UBE2E2: variants seen among roughly 807,000 people sequenced by gnomAD.
UBE2E2 encodes ubiquitin conjugating enzyme E2 E2.
UBE2E2 carries 6 observed loss-of-function variants against 24.7 expected under a neutral mutation model. The ratio of observed to expected loss-of-function variants is 0.24; its 90% CI spans 0.13 to 0.48. The LOEUF (loss-of-function observed/expected upper bound fraction) is 0.48. UBE2E2 is among the 20% of genes least tolerant of loss of function. The pLI, the probability that UBE2E2 is intolerant of heterozygous loss-of-function variation, is 0.99. For synonymous variants in UBE2E2, 104 were observed against 83.6 expected (o/e 1.24, Z -1.33); for missense variants, 169 against 245.0 (o/e 0.69, Z 2.07).
In UBE2E2 at chr3:23,280,216, A is replaced by G. The variant is rs1698457804; in HGVS notation, c.227+62904A>G. Reference sequence around the variant, plus strand: ...GGGTACCAAAGATAACTAACCTATAATAACCTATTTTGGGGAAGTGTTTTT... The same window carrying G: ...GGGTACCAAAGATAACTAACCTATAGTAACCTATTTTGGGGAAGTGTTTTT... On this transcript the variant is annotated intron_variant, in intron 3 of 5. Coordinates refer to ENST00000396703, the MANE Select transcript of UBE2E2 (RefSeq NM_152653.4). The surrounding 1 kb of genome is among the most constrained non-coding windows in gnomAD (Gnocchi z 4.3). 6.6e-6 allele frequency among the ~76,000 whole-genome samples: 1 copy of G among 152,190 alleles called. No individual in the cohort carries two copies. The highest frequency in any genetic ancestry group is 2.4e-5 in the African/African-American group (1 of 41,448).
chr3:23,211,831 A>G (rs536424823), intron 2 of UBE2E2, among the ~76,000 whole-genome samples: 42 of 152,296 alleles, frequency 2.8e-4, no homozygotes, highest in Non-Finnish European at 5.1e-4. Context: ...GGCACATAGT[A>G]AGCTCTCAAA....
chr3:23,368,019 A>G (rs1001157622), intron 3 of UBE2E2, among the ~76,000 whole-genome samples: 9 of 152,170 alleles, frequency 5.9e-5, no homozygotes, highest in African/African-American at 1.9e-4. Flanking sequence ...CGATACACAT[A>G]TAGATATTTG....
chr3:23,315,433 T>C (rs1397645503), intron 3 of UBE2E2, among the ~76,000 whole-genome samples: 1 of 152,216 alleles, frequency 6.6e-6, no homozygotes, highest in Non-Finnish European at 1.5e-5. Context: ...GTATGTCAGT[T>C]GCATTTTTCA....
At chr3:23,472,089 A>G (rs184571556) in intron 3 of UBE2E2, among the ~76,000 whole-genome samples, 74 of 152,352 alleles carry the variant, frequency 4.9e-4, no homozygotes, top group Middle Eastern at 3.4e-3. Context: ...AACAAGCTAA[A>G]AGAAGTTTTT....
At chr3:23,232,970 C>G (rs1202332273) in intron 3 of UBE2E2, among the ~76,000 whole-genome samples, 3 of 152,280 alleles carry the variant, frequency 2.0e-5, no homozygotes, top group Middle Eastern at 3.4e-3. Flanking sequence ...GGGCAGTTTC[C>G]TAAGAGTGGC....
At chr3:23,204,481 C>T (rs899112017) in intron 1 of UBE2E2, among the ~76,000 whole-genome samples, 1 of 152,132 alleles carries the variant, frequency 6.6e-6, no homozygotes, top group African/African-American at 2.4e-5. Flanking sequence ...AAGGATTTTA[C>T]GCTCTTCTTA....
intron 3 of UBE2E2, among the ~76,000 whole-genome samples, chr3:23,372,677 T>C (rs1174036174): frequency 1.3e-5 from 2 of 152,206 alleles, no homozygotes; most frequent in African/African-American, 4.8e-5. Context: ...TTCTTTTTTT[T>C]CTTGAATAGA....
intron 5 of UBE2E2, among the ~76,000 whole-genome samples, chr3:23,570,420 A>C (rs1696193986): frequency 6.6e-6 from 1 of 152,162 alleles, no homozygotes. Context: ...CCAGTAGTGT[A>C]CTGGTAAATG....
chr3:23,355,274 A>G (rs1244832865), intron 3 of UBE2E2, among the ~76,000 whole-genome samples: 1 of 151,886 alleles, frequency 6.6e-6, no homozygotes, highest in Non-Finnish European at 1.5e-5. Context: ...GATATACCTA[A>G]TGCTACATGA....
intron 3 of UBE2E2, among the ~76,000 whole-genome samples, chr3:23,355,133 A>G (rs946218998): frequency 6.6e-6 from 1 of 151,950 alleles, no homozygotes; most frequent in Non-Finnish European, 1.5e-5. Context: ...ACAAGGACAG[A>G]AAAACAAACA....
At chr3:23,365,358 C>T (rs765568712) in intron 3 of UBE2E2, among the ~76,000 whole-genome samples, 5 of 152,120 alleles carry the variant, frequency 3.3e-5, no homozygotes, top group African/African-American at 7.2e-5. Flanking sequence ...GGTTCTATAA[C>T]TAGAAAACCC....
intron 4 of UBE2E2, among the ~76,000 whole-genome samples, chr3:23,525,191 T>C (rs1213514543): frequency 6.6e-6 from 1 of 152,146 alleles, no homozygotes; most frequent in Admixed American, 6.5e-5. Context: ...TGAAATTATA[T>C]TGGGCCCACC....
intron 3 of UBE2E2, among the ~76,000 whole-genome samples, chr3:23,220,458 G>T (rs532722282): frequency 6.6e-6 from 1 of 152,060 alleles, no homozygotes; most frequent in East Asian, 1.9e-4. Context: ...TCATAAAATC[G>T]TAGCGTCTGT....
At chr3:23,446,878 G>A (rs1396605562) in intron 3 of UBE2E2, among the ~76,000 whole-genome samples, 1 of 152,024 alleles carries the variant, frequency 6.6e-6, no homozygotes, top group African/African-American at 2.4e-5. Context: ...CTGACCAGAA[G>A]AGCGTGCTGG....
At chr3:23,381,341 A>C (rs544920643) in intron 3 of UBE2E2, among the ~76,000 whole-genome samples, 2 of 152,242 alleles carry the variant, frequency 1.3e-5, no homozygotes, top group Admixed American at 6.5e-5. Context: ...TAGAAAAACT[A>C]TCCAAAATTC....
intron 3 of UBE2E2, among the ~76,000 whole-genome samples, chr3:23,320,766 T>A (rs753628348): frequency 6.6e-6 from 1 of 152,190 alleles, no homozygotes; most frequent in Non-Finnish European, 1.5e-5. Context: ...CTGGACTCTT[T>A]GATTAATCCA....
chr3:23,264,436 A>C (rs1263017673), intron 3 of UBE2E2, among the ~76,000 whole-genome samples: 2 of 152,016 alleles, frequency 1.3e-5, no homozygotes, highest in Non-Finnish European at 2.9e-5. Context: ...ATTTCTTAGG[A>C]ATTCTCAAAA....
chr3:23,356,184 G>A (rs1437006410), intron 3 of UBE2E2, among the ~76,000 whole-genome samples: 5 of 152,112 alleles, frequency 3.3e-5, no homozygotes, highest in South Asian at 2.1e-4. Flanking sequence ...AGGAGAAAGC[G>A]GCAAATCAGA....
intron 3 of UBE2E2, among the ~76,000 whole-genome samples, chr3:23,292,058 C>T (rs558330656): frequency 7.2e-5 from 11 of 152,076 alleles, no homozygotes; most frequent in Admixed American, 4.6e-4. Flanking sequence ...CGGGGTTTCA[C>T]CGTGTTAACC....
Sources: gnomAD v4.1 joint callset for allele counts (sites outside exome capture counted in the v4.1 genomes callset) on GRCh38, gnomAD v4.1.1 for gene constraint, Gnocchi (gnomAD v3.1) non-coding constraint, MANE v1.5 for transcripts, NCBI Gene and HGNC (gene_info 2026-07-23, HGNC 2026-07-21) for gene names.